Variants in CSMD1 observed in about 807,000 individuals in gnomAD.
CSMD1 encodes CUB and Sushi multiple domains 1, also known as CUB and sushi domain-containing protein 1.
In CSMD1, 213 loss-of-function variants were observed where a neutral mutation model predicts 417.5. The observed-to-expected ratio is 0.51, with a 90% CI of 0.46 to 0.57. CSMD1 has a LOEUF of 0.57. Among genes scored for constraint, CSMD1 ranks in the 20% least tolerant of loss-of-function variants. The pLI, the probability that CSMD1 is intolerant of heterozygous loss-of-function variation, is 0.00. For synonymous variants in CSMD1, 2,862 were observed against 1,736.8 expected, an observed-to-expected ratio of 1.65 and a Z score of -16.11; for missense variants, 6,923 against 4,529.7, an observed-to-expected ratio of 1.53 and a Z score of -15.17.
chr8:4,641,845 T>C lies in CSMD1; in HGVS notation c.86-4287A>G, dbSNP rs970935010. Among the ~76,000 whole-genome samples, 52 of 152,022 alleles carry C rather than the reference T, an allele frequency of 3.4e-4. 3 individuals are homozygous for C. Among genetic ancestry groups the C allele is most frequent in the Admixed American group, 2.7e-3 (41 of 15,286 alleles). On this transcript the variant is annotated intron_variant, in intron 1 of 69. Coordinates refer to ENST00000635120, the MANE Select transcript of CSMD1 (RefSeq NM_033225.6). ...GTTCTTTAAAACTAATCAATGCCCA[T>C]TGAAGGAAAAAAAAGTGAAAGTATT...
chr8:4,332,028 T>C (rs891079301), intron 3 of CSMD1, among the ~76,000 whole-genome samples: 16 of 152,282 alleles, frequency 1.1e-4, no homozygotes, highest in Non-Finnish European at 2.1e-4. Flanking sequence ...CAAACAATGA[T>C]GGATGCTTGT....
chr8:4,954,464 AATG>A (rs1808956038), intron 1 of CSMD1, among the ~76,000 whole-genome samples: 2 of 152,210 alleles, frequency 1.3e-5, no homozygotes, highest in Admixed American at 6.5e-5. Flanking sequence ...TATTGATTTG[AATG>A]ATGACTGAAA....
At chr8:4,058,551 G>C (rs1263709706) in intron 3 of CSMD1, among the ~76,000 whole-genome samples, 8 of 151,680 alleles carry the variant, frequency 5.3e-5, no homozygotes, top group African/African-American at 1.9e-4. Flanking sequence ...AATTGCCCTG[G>C]CCAGAACTTC....
intron 1 of CSMD1, among the ~76,000 whole-genome samples, chr8:4,978,112 G>A (rs1465250905): frequency 6.6e-6 from 1 of 152,148 alleles, no homozygotes. Context: ...GTTCTGGGTA[G>A]CCTATTCCAA....
intron 7 of CSMD1, among the ~76,000 whole-genome samples, chr8:3,668,955 G>A (rs543060219): frequency 4.4e-4 from 67 of 152,268 alleles, no homozygotes; most frequent in Middle Eastern, 3.4e-3. Flanking sequence ...CAGGAAAGAT[G>A]GGGAGAAATC....
intron 3 of CSMD1, among the ~76,000 whole-genome samples, chr8:4,162,887 C>G (rs1200464960): frequency 1.3e-5 from 2 of 152,164 alleles, no homozygotes; most frequent in Non-Finnish European, 2.9e-5. Flanking sequence ...AAAAATTTCC[C>G]TGTTGATTTC....
rs1226831843 is a variant in CSMD1, at chr8:3,521,070, C to G, written c.1345-27344G>C. 3.3e-5 allele frequency among the ~76,000 whole-genome samples: 5 copies of G among 152,304 alleles called. No individual in the cohort carries two copies. In the East Asian group the frequency reaches 7.7e-4, roughly 23 times the overall value. On this transcript the variant is annotated intron_variant, in intron 10 of 69. Coordinates refer to ENST00000635120, the MANE Select transcript of CSMD1 (RefSeq NM_033225.6). ...CTTTATGCCTCCAGTCACACACAAC[C>G]TCTAATTTTACTGTCATTATCTCCT...
intron 5 of CSMD1, among the ~76,000 whole-genome samples, chr8:3,889,079 GC>G (rs1397450494): frequency 1.3e-5 from 2 of 151,808 alleles, no homozygotes; most frequent in African/African-American, 4.8e-5. Context: ...TCTTTTTTCT[GC>G]TGGTGACCAA....
chr8:3,712,106 G>T (rs749204687), intron 6 of CSMD1, among the ~76,000 whole-genome samples: 4 of 152,184 alleles, frequency 2.6e-5, no homozygotes, highest in Non-Finnish European at 5.9e-5. Flanking sequence ...CAACAAGACA[G>T]TGTTATACTG....
At chr8:3,926,714 CTTTTT>C (rs56721822) in intron 5 of CSMD1, among the ~76,000 whole-genome samples, 1 of 103,494 alleles carries the variant, frequency 9.7e-6, no homozygotes, top group Non-Finnish European at 1.8e-5. Flanking sequence ...AAATTGACAC[CTTTTT>C]TTTTTTTTTT....
intron 3 of CSMD1, among the ~76,000 whole-genome samples, chr8:4,258,793 A>G (rs1358819994): frequency 6.6e-6 from 1 of 152,118 alleles, no homozygotes; most frequent in African/African-American, 2.4e-5. Flanking sequence ...CTGAATATTT[A>G]GAGGCAACTC....
At chr8:4,252,421 G>C (rs1362025737) in intron 3 of CSMD1, among the ~76,000 whole-genome samples, 1 of 152,158 alleles carries the variant, frequency 6.6e-6, no homozygotes, top group East Asian at 1.9e-4. Context: ...CTGAGACTTG[G>C]GAAGAAATAA....
intron 10 of CSMD1, among the ~76,000 whole-genome samples, chr8:3,564,517 T>TTGTGTG (rs34665230): frequency 0.037 from 5,363 of 145,424 alleles, 114 homozygotes; most frequent in African/African-American, 0.047. Flanking sequence ...CACAGTATAT[T>TTGTGTG]TGTGTGTGTG....
chr8:3,563,040 C>A (rs746442229), intron 10 of CSMD1, among the ~76,000 whole-genome samples: 2 of 151,748 alleles, frequency 1.3e-5, no homozygotes, highest in South Asian at 2.1e-4. Flanking sequence ...GAATGCAATG[C>A]CATTCTTTGC....
At chr8:3,150,977 C>A (rs1056769218) in intron 40 of CSMD1, among the ~76,000 whole-genome samples, 3 of 151,914 alleles carry the variant, frequency 2.0e-5, no homozygotes, top group Non-Finnish European at 2.9e-5. Flanking sequence ...TAAAACAATA[C>A]TATTTCTTGA....
intron 2 of CSMD1, among the ~76,000 whole-genome samples, chr8:4,558,703 C>A (rs1179209593): frequency 6.6e-6 from 1 of 151,950 alleles, no homozygotes; most frequent in Admixed American, 6.6e-5. Flanking sequence ...TCCGCCTCTA[C>A]TAAAAATACA....
chr8:4,096,279 G>C (rs939240232), intron 3 of CSMD1, among the ~76,000 whole-genome samples: 5 of 152,104 alleles, frequency 3.3e-5, no homozygotes, highest in Admixed American at 3.3e-4. Context: ...GCAGGCCCTT[G>C]GGATGCCATT....
At chr8:4,294,037 A>G (rs1797528737) in intron 3 of CSMD1, among the ~76,000 whole-genome samples, 1 of 152,194 alleles carries the variant, frequency 6.6e-6, no homozygotes, top group Admixed American at 6.6e-5. Context: ...TCTGTTCTTT[A>G]TTGCGTGGTT....
At chr8:3,378,717 C>A (rs970558827) in intron 18 of CSMD1, among the ~76,000 whole-genome samples, 1 of 152,158 alleles carries the variant, frequency 6.6e-6, no homozygotes, top group Non-Finnish European at 1.5e-5. Flanking sequence ...GCTAAAAACT[C>A]TCAATAAACT....
Sources: gnomAD v4.1 joint callset for allele counts (sites outside exome capture counted in the v4.1 genomes callset) on GRCh38, gnomAD v4.1.1 for gene constraint, MANE v1.5 for transcripts, NCBI Gene and HGNC (gene_info 2026-07-23, HGNC 2026-07-21) for gene names.